RXRG: variants seen among roughly 807,000 people sequenced by gnomAD.
RXRG encodes the protein retinoid X receptor gamma.
Under a neutral mutation model 49.2 loss-of-function variants are expected in RXRG, and 19 were observed. The observed-to-expected ratio is 0.39, with a 90% CI of 0.27 to 0.57. The LOEUF is 0.57. RXRG is among the 20% of genes least tolerant of loss of function. The probability of loss-of-function intolerance (pLI) is 0.64; values close to 1 mark genes in which losing one functional copy is unlikely to be tolerated. For synonymous variants in RXRG, 224 were observed against 216.6 expected, an observed-to-expected ratio of 1.03 and a Z score of -0.30; for missense variants, 452 against 592.5, an observed-to-expected ratio of 0.76 and a Z score of 2.46.
chr1:165,434,428 T>C (rs1403382086), intron 1 of RXRG, among the ~76,000 whole-genome samples: 1 of 152,126 alleles, frequency 6.6e-6, no homozygotes, highest in Admixed American at 6.5e-5. Context: ...AAAAGCAAAA[T>C]GTCAAGCATG....
chr1:165,422,512 G>A (rs1023779463), intron 2 of RXRG, among the ~76,000 whole-genome samples: 12 of 152,312 alleles, frequency 7.9e-5, no homozygotes, highest in African/African-American at 2.6e-4. Flanking sequence ...CTTCAAAAAT[G>A]TGTAGGATTT....
chr1:165,433,047 G>T (rs901671909), intron 1 of RXRG, among the ~76,000 whole-genome samples: 3 of 152,150 alleles, frequency 2.0e-5, no homozygotes, highest in African/African-American at 7.2e-5. Context: ...GGACTTCAGT[G>T]AACTACTTGG....
chr1:165,409,492 T>TAC lies in RXRG; in HGVS notation c.1046+64_1046+65dup, dbSNP rs55949511. 9.2e-5 allele frequency: 113 copies of TAC among 1,222,470 alleles called. No homozygotes were observed. The African/African-American group carries it at 1.3e-3, about 14-fold the overall frequency. The allele number at this position is 1,222,470 out of a possible 1,614,324, so 75.7% of individuals were successfully genotyped here. On this transcript the variant is annotated intron_variant, in intron 7 of 9. Transcript: ENST00000359842. The stretch of plus-strand genomic sequence containing the variant: ...GAATTCATGTATGTACACATGTGTA[T>TAC]ACACACACACACACACACACACACA...
chr1:165,434,306 GT>G, intron 1 of RXRG, among the ~76,000 whole-genome samples: 2 of 152,000 alleles, frequency 1.3e-5, no homozygotes, highest in South Asian at 4.2e-4. Flanking sequence ...GTGTGTGTGT[GT>G]GTCAGAGAGA....
In RXRG at chr1:165,428,734, G is replaced by A. The variant is rs1271623732; in HGVS notation, c.282C>T (p.Ala94=). ...LAAPPGINLV[A]PPSSQLNVVN... is the part of the protein sequence containing the mutation. ...GAACACTTACCTGAGAGCTGGGTGG[G>A]GCAACCAAGTTGATTCCTGGAGGCG... Residue 94 remains alanine, a synonymous_variant, in exon 2 of 10, where the codon GCC becomes GCT. Transcript: ENST00000359842. 2 of 1,599,190 alleles carry A rather than the reference G, an allele frequency of 1.3e-6. No individual in the cohort carries two copies. Among genetic ancestry groups the A allele is most frequent in the South Asian group, 1.1e-5 (1 of 89,760 alleles).
intron 1 of RXRG, among the ~76,000 whole-genome samples, chr1:165,429,177 C>G (rs1363800144): frequency 6.6e-6 from 1 of 152,154 alleles, no homozygotes; most frequent in Non-Finnish European, 1.5e-5. Flanking sequence ...TGCTCTAGGA[C>G]AGAAATAAGC....
At chr1:165,436,645 G>A (rs564837056) in intron 1 of RXRG, among the ~76,000 whole-genome samples, 1 of 152,234 alleles carries the variant, frequency 6.6e-6, no homozygotes, top group South Asian at 2.1e-4. Flanking sequence ...AATCATCCCA[G>A]GGCAGGCACT....
chr1:165,410,928 T>C (rs1657922418), intron 5 of RXRG, 21 bp downstream of exon 5: 1 of 1,613,786 alleles, frequency 6.2e-7, no homozygotes, highest in Middle Eastern at 1.6e-4. Context: ...GGAACACACA[T>C]GTGTGTCTAA....
chr1:165,408,387 T>G, intron 7 of RXRG, 69 bp from the exon 8 acceptor site: 1 of 1,158,648 alleles, frequency 8.6e-7, no homozygotes. Flanking sequence ...TAAAATGAAT[T>G]CAACCAAAAT....
intron 9 of RXRG, among the ~76,000 whole-genome samples, 165 bp downstream of exon 9, chr1:165,406,647 G>C (rs1657759654): frequency 6.6e-6 from 1 of 152,328 alleles, no homozygotes; most frequent in African/African-American, 2.4e-5. Flanking sequence ...GACAGATAAG[G>C]CCGCTAGCCC....
At chr1:165,416,744 C>G (rs913137875) in intron 4 of RXRG, among the ~76,000 whole-genome samples, 1 of 152,168 alleles carries the variant, frequency 6.6e-6, no homozygotes, top group African/African-American at 2.4e-5. Flanking sequence ...TGGGGATCAC[C>G]ATCTGGGCTC....
At chr1:165,436,075 A>G (rs1315999080) in intron 1 of RXRG, among the ~76,000 whole-genome samples, 1 of 152,214 alleles carries the variant, frequency 6.6e-6, no homozygotes, top group Non-Finnish European at 1.5e-5. Context: ...CCAACACCTT[A>G]GCTCCACACT....
chr1:165,411,253 G>T, intron 4 of RXRG, 144 bp from the exon 5 acceptor site: 2 of 866,652 alleles, frequency 2.3e-6, no homozygotes, highest in Non-Finnish European at 3.5e-6. Flanking sequence ...AATGTTGACA[G>T]ATGAAACAAG....
chr1:165,430,077 C>G (rs1318660491), intron 1 of RXRG, among the ~76,000 whole-genome samples: 1 of 152,180 alleles, frequency 6.6e-6, no homozygotes, highest in Non-Finnish European at 1.5e-5. Context: ...TGCACAGTAG[C>G]TGCACGCAGC....
At chr1:165,430,052 T>C (rs576311621) in intron 1 of RXRG, among the ~76,000 whole-genome samples, 5 of 152,150 alleles carry the variant, frequency 3.3e-5, no homozygotes, top group East Asian at 1.9e-4. Context: ...CAAGAACAGA[T>C]GTGAAGAAGC....
chr1:165,412,050 C>A (rs543627339), intron 4 of RXRG, among the ~76,000 whole-genome samples: 52 of 152,320 alleles, frequency 3.4e-4, no homozygotes, highest in Admixed American at 2.0e-3. Context: ...GACAGCTACT[C>A]CACTAGCAGC....
intron 2 of RXRG, among the ~76,000 whole-genome samples, chr1:165,423,799 T>A (rs1658399282): frequency 6.6e-6 from 1 of 152,202 alleles, no homozygotes; most frequent in Non-Finnish European, 1.5e-5. Flanking sequence ...CTTCCAACTA[T>A]GCTTTCATCT....
intron 1 of RXRG, among the ~76,000 whole-genome samples, chr1:165,439,916 T>A (rs1391540943): frequency 1.3e-5 from 2 of 152,186 alleles, no homozygotes; most frequent in Non-Finnish European, 2.9e-5. Context: ...TATTAGCTAA[T>A]CCCTGGTGTC....
intron 1 of RXRG, chr1:165,437,274 T>C (rs1658845291): frequency 7.5e-7 from 1 of 1,325,064 alleles, no homozygotes; most frequent in Non-Finnish European, 1.0e-6. Flanking sequence ...ATATGGGCTG[T>C]GTAAGACACC....
Sources: gnomAD v4.1 joint callset for allele counts (sites outside exome capture counted in the v4.1 genomes callset) on GRCh38, gnomAD v4.1.1 for gene constraint, MANE v1.5 for transcripts, NCBI Gene and HGNC (gene_info 2026-07-23, HGNC 2026-07-21) for gene names.